Variants in RPS6KB2 observed in about 807,000 individuals in gnomAD.
RPS6KB2 encodes ribosomal protein S6 kinase beta-2.
In RPS6KB2, 51 loss-of-function variants were observed where a neutral mutation model predicts 58.2. The observed-to-expected ratio is 0.88, with a 90% CI of 0.70 to 1.11. RPS6KB2 has a LOEUF of 1.11. RPS6KB2 is among the 50% of genes least tolerant of loss of function. RPS6KB2 has a pLI of 0.00. For missense variants in RPS6KB2, 671 were observed against 655.8 expected, an observed-to-expected ratio of 1.02 and a Z score of -0.25; for synonymous variants, 293 against 258.6, an observed-to-expected ratio of 1.13 and a Z score of -1.28.
chr11:67,434,736 T>C (rs1864204830), intron 14 of RPS6KB2, 42 bp downstream of exon 14: 1 of 1,474,710 alleles, frequency 6.8e-7, no homozygotes, highest in East Asian at 2.3e-5. Flanking sequence ...TTAGGGACGC[T>C]GGCAGGCAGG....
At chr11:67,431,585 G>T (rs907275049) in intron 5 of RPS6KB2, 70 bp downstream of exon 5, 3 of 1,523,122 alleles carry the variant, frequency 2.0e-6, no homozygotes, top group East Asian at 4.6e-5. Flanking sequence ...AGGAAGCTCT[G>T]GGGGGAAGCT....
In RPS6KB2 at chr11:67,434,833, C is replaced by G; in HGVS notation, c.1268+139C>G. 3 of 984,936 alleles carry G rather than the reference C, an allele frequency of 3.0e-6. No individual in the cohort carries two copies. The South Asian group carries it at 4.5e-5, about 15-fold the overall frequency. 61.0% of individuals were successfully genotyped at this position (984,936 alleles called of 1,614,324 possible). Reference sequence around the variant, plus strand: ...TGTGTCTATCATGGGGACCTCAGTTCCTACACCCCTTGTGGCCAGGCTGCC... The same window carrying G: ...TGTGTCTATCATGGGGACCTCAGTTGCTACACCCCTTGTGGCCAGGCTGCC... On this transcript the variant is annotated intron_variant, in intron 14 of 14. Transcript: ENST00000312629.
intron 7 of RPS6KB2, 34 bp downstream of exon 7, chr11:67,432,871 G>A (rs1323555863): frequency 2.4e-5 from 39 of 1,610,946 alleles, no homozygotes; most frequent in Non-Finnish European, 3.3e-5. Context: ...TGCAGGCGGG[G>A]TCTGCAATCT....
chr11:67,434,275 G>A lies in RPS6KB2; in HGVS notation c.1047G>A (p.Leu349=), dbSNP rs1203592825. ...TGGACCCCCCTTTCAGGCCCTGTCT[G>A]GTGAGCAGCAGGGCTGGTGGCCAGT... ...WRVDPPFRPC[L]QSEEDVSQFD... The change falls in exon 12 of 15, where the codon CTG becomes CTA. Residue 349 remains leucine (L), a splice_region_variant and synonymous_variant. Coordinates refer to ENST00000312629, the MANE Select transcript of RPS6KB2 (RefSeq NM_003952.3). 6.2e-7 allele frequency: 1 copy of A among 1,613,378 alleles called. No homozygotes were observed. The highest frequency in any genetic ancestry group is 1.7e-5 in the Admixed American group (1 of 60,032).
rs1226739625 is a variant in RPS6KB2 at position 67,432,543 on chromosome 11, A to C, written c.458-57A>C. On this transcript the variant is annotated intron_variant, in intron 5 of 14. Coordinates refer to ENST00000312629, the MANE Select transcript of RPS6KB2 (RefSeq NM_003952.3). ...TTTCCCCAAGAAGAAATAAAGACTCAGAAAGCACAAAGGGGCTTGGACCCA... is the reference window on the plus strand; with the variant it reads ...TTTCCCCAAGAAGAAATAAAGACTCCGAAAGCACAAAGGGGCTTGGACCCA... The C allele has an allele frequency of 2.9e-5, 46 of 1,590,252 alleles. No individual in the cohort carries two copies. In the East Asian group the frequency reaches 9.6e-4, roughly 33 times the overall value.
At chr11:67,428,834 T>C in intron 1 of RPS6KB2, 148 bp from the exon 2 acceptor site, 1 of 1,042,012 alleles carries the variant, frequency 9.6e-7, no homozygotes, top group South Asian at 1.3e-5. Flanking sequence ...CTCCCTTTCC[T>C]GCCTTCGGTT....
In RPS6KB2 at chr11:67,432,634, C is replaced by T. The variant is rs371035387; in HGVS notation, c.492C>T (p.Gly164=). The T allele has an allele frequency of 7.0e-5, 113 of 1,614,092 alleles. No homozygotes were observed. Among genetic ancestry groups the T allele is most frequent in the Non-Finnish European group, 9.2e-5 (109 of 1,180,038 alleles). The change falls in exon 6 of 15, where the codon GGC becomes GGT. Residue 164 remains glycine (G), a synonymous_variant. Transcript: ENST00000312629. ...TCTTCACGCATCTGGAGCGAGAGGG[C>T]ATCTTCCTGGAAGATACGGCCTGGT... ...GELFTHLERE[G]IFLEDTACFY... is the part of the protein sequence containing the mutation.
In RPS6KB2 at chr11:67,432,557, G is replaced by A. The variant is rs372674398; in HGVS notation, c.458-43G>A. 16 of 1,610,260 alleles carry A rather than the reference G, an allele frequency of 9.9e-6. No individual in the cohort carries two copies. The African/African-American group carries it at 1.7e-4, about 17-fold the overall frequency. ...AATAAAGACTCAGAAAGCACAAAGG[G>A]GCTTGGACCCAGCACGTGGCTGCTG... On this transcript the variant is annotated intron_variant, in intron 5 of 14. Coordinates refer to ENST00000312629, the MANE Select transcript of RPS6KB2 (RefSeq NM_003952.3).
chr11:67,428,721 C>G, intron 1 of RPS6KB2, 98 bp downstream of exon 1: 1 of 1,180,972 alleles, frequency 8.5e-7, no homozygotes, highest in Non-Finnish European at 1.2e-6. Context: ...CGGGCTCCGA[C>G]TCTTTGCAGA....
At chr11:67,434,522 C>G in intron 13 of RPS6KB2, 38 bp downstream of exon 13, 1 of 1,599,390 alleles carries the variant, frequency 6.3e-7, no homozygotes, top group South Asian at 1.1e-5. Flanking sequence ...GACCAGGGCA[C>G]GGATCGTGAC....
chr11:67,433,059 T>A lies in RPS6KB2; in HGVS notation c.707+17T>A, dbSNP rs764797287. On this transcript the variant is annotated intron_variant, in intron 8 of 14. Coordinates refer to ENST00000312629, the MANE Select transcript of RPS6KB2 (RefSeq NM_003952.3). ...TGAGTACATGTAAGTGGCACCTGGC[T>A]GGCCCAGGGGTCGGGAGGACAGCCC... The A allele has an allele frequency of 3.7e-6, 6 of 1,613,038 alleles. No homozygotes were observed. The highest frequency in any genetic ancestry group is 5.1e-6 in the Non-Finnish European group (6 of 1,179,922).
chr11:67,431,637 C>A, intron 5 of RPS6KB2, 122 bp downstream of exon 5: 1 of 818,664 alleles, frequency 1.2e-6, no homozygotes. Flanking sequence ...GGGGCCCCCA[C>A]TCTGTCCTAC....
intron 1 of RPS6KB2, 98 bp from the exon 2 acceptor site, chr11:67,428,884 C>CT (rs1197535734): frequency 7.0e-7 from 1 of 1,424,090 alleles, no homozygotes; most frequent in Middle Eastern, 1.8e-4. Context: ...GCTGCCATCC[C>CT]TGACACCCTT....
chr11:67,435,121 C>G lies in RPS6KB2; in HGVS notation c.1401C>G (p.Pro467=), dbSNP rs369583304. 16 of 1,603,938 alleles carry G rather than the reference C, an allele frequency of 1.0e-5. No individual in the cohort carries two copies. In the East Asian group the frequency reaches 1.3e-4, roughly 13 times the overall value. The change falls in exon 15 of 15, where the codon CCC becomes CCG. Residue 467 remains proline (P), a synonymous_variant. Coordinates refer to ENST00000312629, the MANE Select transcript of RPS6KB2 (RefSeq NM_003952.3). ...CCGCCCCTCTCCCCATCCGTCCCCC[C>G]TCAGGGACCAAGAAGTCCAAGAGGG... ...STTAPLPIRP[P]SGTKKSKRGR... is the part of the protein sequence containing the mutation.
chr11:67,433,405 GC>G lies in RPS6KB2; in HGVS notation c.870del (p.Tyr291ThrfsTer14). On this transcript the variant is annotated frameshift_variant, in exon 10 of 15. Coordinates refer to ENST00000312629, the MANE Select transcript of RPS6KB2 (RefSeq NM_003952.3). LOFTEE classifies it high-confidence loss of function. ...DKIIRGKLAL[P>X]PYLTPDARDL... Reference sequence around the variant, plus strand: ...AGATCATCAGGGGCAAGCTGGCACTGCCCCCCTACCTCACCCCAGATGCCCG... The same window carrying G: ...AGATCATCAGGGGCAAGCTGGCACTGCCCCCTACCTCACCCCAGATGCCCG... 6.2e-7 allele frequency: 1 copy of G among 1,613,946 alleles called. No individual in the cohort carries two copies. The highest frequency in any genetic ancestry group is 8.5e-7 in the Non-Finnish European group (1 of 1,179,952).
chr11:67,431,616 G>C, intron 5 of RPS6KB2, 101 bp downstream of exon 5: 1 of 1,242,746 alleles, frequency 8.0e-7, no homozygotes. Context: ...GAGTCTGTGG[G>C]GGTTGGCTAG....
chr11:67,432,863 C>T (rs1338568652), intron 7 of RPS6KB2, 26 bp downstream of exon 7: 1 of 1,610,944 alleles, frequency 6.2e-7, no homozygotes, highest in Non-Finnish European at 8.5e-7. Flanking sequence ...CGGGCAGCTG[C>T]AGGCGGGGTC....
rs374406780 is a variant in RPS6KB2, at chr11:67,429,539, C to T, written c.253C>T (p.Arg85Ter). ...CCCTGCCCTACAGGTGTTCCAGGTG[C>T]GAAAGGTGCAAGGCACCAACTTGGG... ...KGGYGKVFQV[R>*]KVQGTNLGKI... Residue 85 changes from arginine (R) to a stop codon, truncating the protein, a stop_gained, in exon 4 of 15, where the codon CGA becomes TGA. Transcript: ENST00000312629. LOFTEE classifies it high-confidence loss of function. 1.1e-5 allele frequency: 17 copies of T among 1,613,054 alleles called. No homozygotes were observed. The highest frequency in any genetic ancestry group is 4.0e-5 in the African/African-American group (3 of 75,028).
Position 67,434,032 on chromosome 11 carries a change from G to T in RPS6KB2, c.944G>T (p.Gly315Val). 6.2e-7 allele frequency: 1 copy of T among 1,614,140 alleles called. No homozygotes were observed. Among genetic ancestry groups the T allele is most frequent in the Middle Eastern group, 1.6e-4 (1 of 6,062 alleles). Reference sequence around the variant, plus strand: ...AATCCCAGCCAGCGGATTGGGGGTGGCCCAGGGGATGCTGCTGATGTGCAG... The same window carrying T: ...AATCCCAGCCAGCGGATTGGGGGTGTCCCAGGGGATGCTGCTGATGTGCAG... Reference protein sequence around the residue: ...KRNPSQRIGGGPGDAADVQRH... With the variant: ...KRNPSQRIGGVPGDAADVQRH... Residue 315 changes from glycine (G) to valine (V), a missense_variant, in exon 11 of 15, where the codon GGC becomes GTC. Gly to Val is a moderately radical substitution (Grantham distance 109). Coordinates refer to ENST00000312629, the MANE Select transcript of RPS6KB2 (RefSeq NM_003952.3).
Sources: gnomAD v4.1 joint callset for allele counts on GRCh38, gnomAD v4.1.1 for gene constraint, MANE v1.5 for transcripts, NCBI Gene and HGNC (gene_info 2026-07-23, HGNC 2026-07-21) for gene names.